The following UBE2V2 variants were observed in gnomAD, a reference collection of about 807,000 sequenced individuals.
UBE2V2 encodes ubiquitin-conjugating enzyme E2 variant 2.
In UBE2V2, 9 loss-of-function variants were observed where a neutral mutation model predicts 17.2. The observed-to-expected ratio is 0.52, with a 90% confidence interval of 0.32 to 0.91. The LOEUF (loss-of-function observed/expected upper bound fraction) is 0.91, where lower values mean the gene tolerates loss of function less well. Among genes scored for constraint, UBE2V2 ranks in the 40% least tolerant of loss-of-function variants. UBE2V2 has a pLI of 0.04. For missense variants in UBE2V2, 133 were observed against 182.6 expected (o/e 0.73, Z 1.56); for synonymous variants, 61 against 57.5 (o/e 1.06, Z -0.28).
chr8:48,015,920 C>T (rs751774815), intron 1 of UBE2V2, among the ~76,000 whole-genome samples: 3 of 124,822 alleles, frequency 2.4e-5, no homozygotes, highest in South Asian at 2.8e-4. Flanking sequence ...TTTTTTGAGA[C>T]GGAGTCTCAC....
In UBE2V2 at chr8:48,045,410, A is replaced by G. The variant is rs546334105; in HGVS notation, c.165+2229A>G. Among the ~76,000 whole-genome samples the G allele has an allele frequency of 1.1e-4, 17 of 152,248 alleles. No homozygotes were observed. The East Asian group carries it at 3.3e-3, about 29-fold the overall frequency. ...ACACACTAGGTAATAAACTGGGGGA[A>G]CTTACCAGGGCCTGTTTGTTCACAT... On this transcript the variant is annotated intron_variant, in intron 2 of 3. Coordinates refer to ENST00000523111, the MANE Select transcript of UBE2V2 (RefSeq NM_003350.3).
intron 1 of UBE2V2, among the ~76,000 whole-genome samples, chr8:48,026,435 T>C (rs2091346761): frequency 6.6e-6 from 1 of 152,238 alleles, no homozygotes; most frequent in South Asian, 2.1e-4. Context: ...TTTACTGAGA[T>C]ATAATTCACA....
At chr8:48,032,560 C>T (rs2154507360) in intron 1 of UBE2V2, among the ~76,000 whole-genome samples, 1 of 152,168 alleles carries the variant, frequency 6.6e-6, no homozygotes, top group East Asian at 1.9e-4. Context: ...TGAGACCAGC[C>T]TGGGCAGCCT....
chr8:48,016,291 G>T, intron 1 of UBE2V2, among the ~76,000 whole-genome samples: 1 of 152,138 alleles, frequency 6.6e-6, no homozygotes, highest in South Asian at 2.1e-4. Context: ...GCCTCTCTTT[G>T]ACATACTGAT....
chr8:48,028,011 G>A (rs973745450), intron 1 of UBE2V2, among the ~76,000 whole-genome samples: 4 of 150,338 alleles, frequency 2.7e-5, no homozygotes, highest in Non-Finnish European at 4.4e-5. Context: ...CCACCACCAC[G>A]CCTGGCTAAT....
chr8:48,006,484 T>C (rs913479059), upstream of UBE2V2, among the ~76,000 whole-genome samples: 3 of 152,084 alleles, frequency 2.0e-5, no homozygotes, highest in African/African-American at 4.8e-5. Context: ...TTGCTTACGA[T>C]TGCCTTGGCT....
At chr8:48,049,542 C>T (rs534920428) in intron 2 of UBE2V2, 5 of 195,164 alleles carry the variant, frequency 2.6e-5, no homozygotes, top group South Asian at 1.1e-4. Flanking sequence ...TTTCCTTCTT[C>T]GTTCTAATTT....
chr8:48,027,074 T>A (rs1186946276), intron 1 of UBE2V2, among the ~76,000 whole-genome samples: 1 of 152,184 alleles, frequency 6.6e-6, no homozygotes, highest in Non-Finnish European at 1.5e-5. Context: ...AACCTCAGCC[T>A]CTTGGGCTCA....
intron 1 of UBE2V2, among the ~76,000 whole-genome samples, chr8:48,022,746 G>A (rs910389070): frequency 4.0e-5 from 6 of 151,750 alleles, no homozygotes; most frequent in African/African-American, 1.5e-4. Context: ...CTTTGTTTCT[G>A]AAGAACAGCT....
intron 1 of UBE2V2, among the ~76,000 whole-genome samples, chr8:48,032,749 T>G (rs2091392569): frequency 6.6e-6 from 1 of 152,082 alleles, no homozygotes; most frequent in Non-Finnish European, 1.5e-5. Context: ...CAGACACACA[T>G]GCACACACAC....
chr8:48,038,182 C>T (rs1013801365), intron 1 of UBE2V2, among the ~76,000 whole-genome samples: 2 of 152,176 alleles, frequency 1.3e-5, no homozygotes, highest in African/African-American at 4.8e-5. Context: ...TATTCACATT[C>T]TAATAAATTC....
At chr8:48,041,440 A>G (rs1006774313) in intron 1 of UBE2V2, among the ~76,000 whole-genome samples, 2 of 151,860 alleles carry the variant, frequency 1.3e-5, no homozygotes, top group African/African-American at 4.8e-5. Context: ...ACAGAGCGAG[A>G]CTCTGTCTCA....
rs149727920 is a variant in UBE2V2, at chr8:48,039,703, G to A, written c.17-3330G>A. Among the ~76,000 whole-genome samples the A allele has an allele frequency of 6.9e-3, 1,045 of 152,114 alleles. 9 individuals are homozygous for A. Among genetic ancestry groups the A allele is most frequent in the South Asian group, 0.025 (119 of 4,816 alleles). On this transcript the variant is annotated intron_variant, in intron 1 of 3. Coordinates refer to ENST00000523111, the MANE Select transcript of UBE2V2 (RefSeq NM_003350.3). ...AATTTTATTTTTTCATATTGGTAAA[G>A]TGTTCCAACACCATTAACTTTTCCT... is the stretch of plus-strand genomic sequence containing the variant.
At chr8:48,042,285 A>C (rs1228722397) in intron 1 of UBE2V2, 1 of 152,228 alleles carries the variant, frequency 6.6e-6, no homozygotes, top group Admixed American at 6.5e-5. Context: ...AACACATTAA[A>C]AAATGTATTA....
chr8:48,004,565 C>T (rs1238372043), upstream of UBE2V2, among the ~76,000 whole-genome samples: 2 of 145,044 alleles, frequency 1.4e-5, no homozygotes, highest in Admixed American at 7.1e-5. Flanking sequence ...GAGTCTCGCT[C>T]TTGTCATCCA....
At chr8:48,045,717 A>T (rs2154507811) in intron 2 of UBE2V2, among the ~76,000 whole-genome samples, 1 of 152,324 alleles carries the variant, frequency 6.6e-6, no homozygotes, top group African/African-American at 2.4e-5. Context: ...GCAAAGGCAC[A>T]GGCTTCTTCT....
At chr8:48,007,430 A>T (rs550466482), upstream of UBE2V2, among the ~76,000 whole-genome samples, 1 of 152,298 alleles carries the variant, frequency 6.6e-6, no homozygotes, top group South Asian at 2.1e-4. Flanking sequence ...TACAAAATCA[A>T]TGTGCAAAAA....
chr8:48,035,951 T>C (rs1453611109), intron 1 of UBE2V2, among the ~76,000 whole-genome samples: 3 of 128,138 alleles, frequency 2.3e-5, no homozygotes, highest in African/African-American at 7.8e-5. Context: ...TGCCTTTCTT[T>C]TTTTTTTTTT....
intron 1 of UBE2V2, among the ~76,000 whole-genome samples, chr8:48,008,788 C>T (rs2091205284): frequency 1.3e-5 from 2 of 151,766 alleles, no homozygotes; most frequent in African/African-American, 2.4e-5. Context: ...GGGAGGGAGG[C>T]GAGGAGGCCC....
Sources: allele counts gnomAD v4.1 joint callset (sites outside exome capture counted in the v4.1 genomes callset), GRCh38; gene constraint gnomAD v4.1.1; transcripts MANE v1.5; gene names NCBI Gene and HGNC (gene_info 2026-07-23, HGNC 2026-07-21).